Variants in NMRK2 observed in about 807,000 individuals in gnomAD.
The protein encoded by NMRK2 is NRK 2.
A neutral mutation model predicts 24.7 loss-of-function variants in NMRK2; 34 were observed. The ratio of observed to expected loss-of-function variants is 1.37; its 90% CI spans 1.05 to 1.83. NMRK2 has a LOEUF of 1.83. NMRK2 is among the 40% of genes most tolerant of loss of function. NMRK2 has a pLI of 0.00. For synonymous variants in NMRK2, 145 were observed against 125.6 expected, an observed-to-expected ratio of 1.15 and a Z score of -1.03; for missense variants, 341 against 315.0, an observed-to-expected ratio of 1.08 and a Z score of -0.62.
chr19:3,938,849 G>GT (rs59201914), intron 5 of NMRK2, 90 bp downstream of exon 5: 6,700 of 225,794 alleles, frequency 0.03, 8 homozygotes, highest in Middle Eastern at 0.04. Flanking sequence ...TTTTTGTTTT[G>GT]TTTTTTTTTT....
chr19:3,938,828 T>TC (rs1568180805), intron 5 of NMRK2, 69 bp downstream of exon 5: 1 of 565,752 alleles, frequency 1.8e-6, no homozygotes, highest in African/African-American at 3.8e-5. Context: ...TCTTGTTTTT[T>TC]TTTTTTTTTT....
At position 3,936,541 on chromosome 19, in the gene NMRK2, C is replaced by T. The variant is rs1423648839; in HGVS notation, c.27-34C>T. The T allele has an allele frequency of 8.0e-6, 12 of 1,492,856 alleles. No homozygotes were observed. The Admixed American group carries it at 8.4e-5, about 11-fold the overall frequency. 92.5% of individuals were successfully genotyped at this position (1,492,856 alleles called of 1,614,324 possible). On this transcript the variant is annotated intron_variant, in intron 2 of 7. Transcript: ENST00000168977. ...AGCACCCTGACCTTCTTGGGGGGAG[C>T]CCAGGCAGTCTCATGCACACGCTGT...
At chr19:3,939,495 CAG>C (rs1254579982) in intron 5 of NMRK2, among the ~76,000 whole-genome samples, 2 of 151,978 alleles carry the variant, frequency 1.3e-5, no homozygotes, top group East Asian at 1.9e-4. Flanking sequence ...GCCTGGGCGA[CAG>C]AGAGAGACTC....
At position 3,937,235 on chromosome 19, in the gene NMRK2, TTCAGCCCCAAGACC is replaced by T; in HGVS notation, c.118-4_127del. On this transcript the variant is annotated splice_acceptor_variant and splice_polypyrimidine_tract_variant and coding_sequence_variant and intron_variant, in exon 4 of 8. Coordinates refer to ENST00000168977, the MANE Select transcript of NMRK2 (RefSeq NM_170678.3). LOFTEE classifies it high-confidence loss of function. ...GAGCCCGAGGTTCAGGCTCCTCTGT[TTCAGCCCCAAGACC>T]AAATAGCAGTTGGGGAAGACGGCTT... The T allele has an allele frequency of 1.9e-6, 3 of 1,613,122 alleles. No homozygotes were observed. Among genetic ancestry groups the T allele is most frequent in the Non-Finnish European group, 2.5e-6 (3 of 1,179,478 alleles).
chr19:3,934,204 G>A (rs956061763), intron 2 of NMRK2, among the ~76,000 whole-genome samples: 1 of 152,094 alleles, frequency 6.6e-6, no homozygotes, highest in Non-Finnish European at 1.5e-5. Context: ...GTGCGATCAT[G>A]CCACTTCACT....
chr19:3,933,349 A>G lies in NMRK2; in HGVS notation c.-214-109A>G, dbSNP rs1203001755. On this transcript the variant is annotated intron_variant, in intron 1 of 7. Coordinates refer to ENST00000168977, the MANE Select transcript of NMRK2 (RefSeq NM_170678.3). ...GGTGGAGAGGAGGGAGGAGGGGGTAAGAAGGGGAGGAGAGGGGAGGAGGGA... is the reference window on the plus strand; with the variant it reads ...GGTGGAGAGGAGGGAGGAGGGGGTAGGAAGGGGAGGAGAGGGGAGGAGGGA... The G allele has an allele frequency of 4.4e-5, 15 of 341,180 alleles. No homozygotes were observed. In the East Asian group the frequency reaches 6.4e-4, roughly 15 times the overall value. The allele number at this position is 341,180 out of a possible 1,614,324, so 21.1% of individuals were successfully genotyped here.
chr19:3,934,007 G>C (rs1272478967), intron 2 of NMRK2, among the ~76,000 whole-genome samples: 1 of 152,148 alleles, frequency 6.6e-6, no homozygotes, highest in African/African-American at 2.4e-5. Flanking sequence ...TGGCACTTTG[G>C]GAGGCCGAGG....
intron 5 of NMRK2, among the ~76,000 whole-genome samples, chr19:3,939,493 G>A (rs940650138): frequency 5.9e-5 from 9 of 151,794 alleles, no homozygotes; most frequent in Non-Finnish European, 8.8e-5. Context: ...CAGCCTGGGC[G>A]ACAGAGAGAG....
At chr19:3,938,507 C>T in intron 4 of NMRK2, 96 bp from the exon 5 acceptor site, 1 of 1,124,632 alleles carries the variant, frequency 8.9e-7, no homozygotes, top group Non-Finnish European at 1.2e-6. Flanking sequence ...GCTCCCCATC[C>T]ACCGTCCCCT....
Position 3,937,267 on chromosome 19 carries a change from G to C in NMRK2, c.145G>C (p.Asp49His). The change falls in exon 4 of 8, where the codon GAC (aspartate) becomes CAC (histidine). Residue 49 changes from aspartate to histidine, a missense_variant. Transcript: ENST00000168977. Reference protein sequence around the residue: ...KPQDQIAVGEDGFKQWDVLES... With the variant: ...KPQDQIAVGEHGFKQWDVLES... ...CCAAGACCAAATAGCAGTTGGGGAA[G>C]ACGGCTTCAAACAGTGGGACGGTAA... 6.2e-7 allele frequency: 1 copy of C among 1,613,324 alleles called. No homozygotes were observed. Among genetic ancestry groups the C allele is most frequent in the Non-Finnish European group, 8.5e-7 (1 of 1,179,546 alleles).
intron 5 of NMRK2, 81 bp downstream of exon 5, chr19:3,938,840 T>G (rs1568180857): frequency 0.026 from 10,511 of 405,800 alleles, 120 homozygotes; most frequent in South Asian, 0.05. Context: ...TTTTTTTTTT[T>G]TTTGTTTTGT....
rs2039218642 is a variant in NMRK2 at position 3,936,628 on chromosome 19, C to T, written c.80C>T (p.Pro27Leu). 1 of 1,574,342 alleles carries T rather than the reference C, an allele frequency of 6.4e-7. No homozygotes were observed. The highest frequency in any genetic ancestry group is 8.6e-7 in the Non-Finnish European group (1 of 1,160,190). The change falls in exon 3 of 8, where the codon CCC (proline) becomes CTC (leucine). Residue 27 changes from proline to leucine, a missense_variant. By Grantham distance (98) the Pro-to-Leu change is moderately conservative. Transcript: ENST00000168977. ...ACCAACAGCCTGCTCAGAGCCCTGCCCAACTGCTGCGTGATCCATCAGGAT... is the reference window on the plus strand; with the variant it reads ...ACCAACAGCCTGCTCAGAGCCCTGCTCAACTGCTGCGTGATCCATCAGGAT... ...TLTNSLLRAL[P>L]NCCVIHQDDF...
chr19:3,941,895 C>T (rs998294990), intron 7 of NMRK2, among the ~76,000 whole-genome samples, 188 bp from the exon 8 acceptor site: 12 of 152,126 alleles, frequency 7.9e-5, no homozygotes, highest in Non-Finnish European at 1.2e-4. Context: ...CCTGCCTCGG[C>T]CTCCCAAAGT....
intron 1 of NMRK2, 34 bp from the exon 2 acceptor site, chr19:3,933,424 C>T (rs994629143): frequency 4.0e-6 from 2 of 503,108 alleles, no homozygotes; most frequent in South Asian, 5.1e-5. Flanking sequence ...GCCCCCTGCC[C>T]GGCCAGCTCG....
At chr19:3,938,943 G>A (rs1266852358) in intron 5 of NMRK2, among the ~76,000 whole-genome samples, 184 bp downstream of exon 5, 1 of 142,612 alleles carries the variant, frequency 7.0e-6, no homozygotes, top group Non-Finnish European at 1.5e-5. Context: ...CTGCCTCCCA[G>A]TCCAAGCAAT....
rs781309104 is a variant in NMRK2, at chr19:3,941,110, C to T, written c.435C>T (p.Phe145=). Residue 145 remains phenylalanine, a synonymous_variant, in exon 7 of 8, where the codon TTC becomes TTT. Transcript: ENST00000168977. ...NYTVPDPPGL[F]DGHVWPMYQK... is the part of the protein sequence containing the mutation. ...CAGTCCCTGATCCCCCCGGCCTCTTCGATGGCCACGTGTGGCCCATGTACC... is the reference window on the plus strand; with the variant it reads ...CAGTCCCTGATCCCCCCGGCCTCTTTGATGGCCACGTGTGGCCCATGTACC... 11 of 1,609,132 alleles carry T rather than the reference C, an allele frequency of 6.8e-6. No individual in the cohort carries two copies. The highest frequency in any genetic ancestry group is 1.7e-4 in the Middle Eastern group (1 of 6,034).
Position 3,934,789 on chromosome 19 carries a change from G to T in NMRK2, c.26+1092G>T, listed in dbSNP as rs1242120529. 3.3e-5 allele frequency among the ~76,000 whole-genome samples: 5 copies of T among 151,846 alleles called. No individual in the cohort carries two copies. In the East Asian group the frequency reaches 9.7e-4, roughly 29 times the overall value. Reference sequence around the variant, plus strand: ...AGAGATGGGGGGTTTCACCATGTTGGCCAGGCTGGTCTCGAACTCCTGACC... The same window carrying T: ...AGAGATGGGGGGTTTCACCATGTTGTCCAGGCTGGTCTCGAACTCCTGACC... On this transcript the variant is annotated intron_variant, in intron 2 of 7. Transcript: ENST00000168977.
In NMRK2 at chr19:3,939,685, G is replaced by A. The variant is rs747560231; in HGVS notation, c.324-215G>A. ...CAAGACATTCTGTCTGTCTGTGCCCGTCCAAGTTGGAGAAGAAGCGTGATT... is the reference window on the plus strand; with the variant it reads ...CAAGACATTCTGTCTGTCTGTGCCCATCCAAGTTGGAGAAGAAGCGTGATT... On this transcript the variant is annotated intron_variant, in intron 5 of 7. Coordinates refer to ENST00000168977, the MANE Select transcript of NMRK2 (RefSeq NM_170678.3). Among the ~76,000 whole-genome samples the A allele has an allele frequency of 1.2e-4, 18 of 152,082 alleles. No individual in the cohort carries two copies. The South Asian group carries it at 1.7e-3, about 14-fold the overall frequency.
intron 2 of NMRK2, among the ~76,000 whole-genome samples, chr19:3,935,585 T>G (rs888461944): frequency 1.3e-5 from 2 of 150,780 alleles, no homozygotes; most frequent in African/African-American, 4.9e-5. Flanking sequence ...ATTTATGTAT[T>G]TATTTATTTA....
Sources: gnomAD v4.1 joint callset for allele counts (sites outside exome capture counted in the v4.1 genomes callset) on GRCh38, gnomAD v4.1.1 for gene constraint, MANE v1.5 for transcripts, NCBI Gene and HGNC (gene_info 2026-07-23, HGNC 2026-07-21) for gene names.